Variants in ADGRB3 observed in about 807,000 individuals in gnomAD.
ADGRB3 encodes brain-specific angiogenesis inhibitor 3.
ADGRB3 carries 37 observed loss-of-function variants against 193.4 expected under a neutral mutation model. The observed-to-expected ratio is 0.19, with a 90% CI of 0.15 to 0.25. The LOEUF (loss-of-function observed/expected upper bound fraction) is 0.25, where lower values mean the gene tolerates loss of function less well. Ranked by LOEUF, ADGRB3 falls within the 10% of genes least tolerant of loss-of-function variation. The probability of loss-of-function intolerance (pLI) is 1.00; values close to 1 mark genes in which losing one functional copy is unlikely to be tolerated. For missense variants in ADGRB3, 1,637 were observed against 1,852.9 expected (o/e 0.88, Z 2.14); for synonymous variants, 690 against 644.2 (o/e 1.07, Z -1.08).
intron 3 of ADGRB3, among the ~76,000 whole-genome samples, chr6:68,750,987 A>G (rs1766187213): frequency 6.6e-6 from 1 of 151,538 alleles, no homozygotes; most frequent in Non-Finnish European, 1.5e-5. Flanking sequence ...CTATTGTTCC[A>G]CTCTTCTGGG....
At chr6:69,084,903 G>A (rs140192622) in intron 17 of ADGRB3, among the ~76,000 whole-genome samples, 1 of 152,236 alleles carries the variant, frequency 6.6e-6, no homozygotes, top group East Asian at 1.9e-4. Context: ...TTTGGGGTAT[G>A]CATGAGTTGT....
intron 20 of ADGRB3, among the ~76,000 whole-genome samples, chr6:69,298,172 A>G (rs1194397084): frequency 6.6e-6 from 1 of 152,002 alleles, no homozygotes; most frequent in Non-Finnish European, 1.5e-5. Flanking sequence ...GAGAGATTGA[A>G]CGCAACTCTG....
At chr6:69,077,421 A>G (rs1275150108) in intron 17 of ADGRB3, among the ~76,000 whole-genome samples, 1 of 151,972 alleles carries the variant, frequency 6.6e-6, no homozygotes, top group African/African-American at 2.4e-5. Context: ...GTGAATAATA[A>G]GCAACTTTGA....
intron 10 of ADGRB3, among the ~76,000 whole-genome samples, chr6:68,992,349 T>G (rs1769260783): frequency 6.6e-6 from 1 of 152,156 alleles, no homozygotes; most frequent in Non-Finnish European, 1.5e-5. Context: ...GAGTTCAGCC[T>G]GGTGGTACAG....
chr6:69,228,169 A>ATT (rs1197546574), intron 17 of ADGRB3, among the ~76,000 whole-genome samples: 1 of 152,214 alleles, frequency 6.6e-6, no homozygotes, highest in Non-Finnish European at 1.5e-5. Context: ...AGGCAGGAGA[A>ATT]TTGCTTGAAC....
intron 8 of ADGRB3, among the ~76,000 whole-genome samples, chr6:68,965,290 A>G (rs1227955010): frequency 6.6e-6 from 1 of 152,160 alleles, no homozygotes; most frequent in Non-Finnish European, 1.5e-5. Context: ...ATGAGTAGGT[A>G]CCACCTTGGA....
intron 11 of ADGRB3, among the ~76,000 whole-genome samples, chr6:69,002,628 T>C (rs909725802): frequency 6.6e-6 from 1 of 152,192 alleles, no homozygotes; most frequent in Admixed American, 6.5e-5. Context: ...TGGAGTATGG[T>C]TTCTCCATTG....
At chr6:68,801,172 T>C (rs1322554233) in intron 3 of ADGRB3, among the ~76,000 whole-genome samples, 1 of 152,214 alleles carries the variant, frequency 6.6e-6, no homozygotes, top group Non-Finnish European at 1.5e-5. Context: ...CTCTGTCCTG[T>C]GTTGTTTCTA....
intron 17 of ADGRB3, among the ~76,000 whole-genome samples, chr6:69,106,162 G>GT (rs1181296778): frequency 4.2e-5 from 1 of 23,812 alleles, no homozygotes; most frequent in African/African-American, 9.4e-5. Flanking sequence ...GTGAGACTGC[G>GT]TTAAAAAAAA....
At position 69,069,903 on chromosome 6, in the gene ADGRB3, A is replaced by G. The variant is rs543810811; in HGVS notation, c.2437-6092A>G. ...CAATCTTTAGTAGGGAAAGAGAGAG[A>G]GGATAAACTTAGCAAAATCCAGGTC... On this transcript the variant is annotated intron_variant, in intron 16 of 31. Transcript: ENST00000370598. 7.0e-4 allele frequency among the ~76,000 whole-genome samples: 106 copies of G among 151,664 alleles called. 1 individual carries two copies. The highest frequency in any genetic ancestry group is 2.4e-3 in the African/African-American group (101 of 41,364).
chr6:69,279,527 T>C (rs1284028584), intron 20 of ADGRB3, among the ~76,000 whole-genome samples: 1 of 152,070 alleles, frequency 6.6e-6, no homozygotes, highest in Non-Finnish European at 1.5e-5. Context: ...ACATTTAAAA[T>C]TTTACTTCAG....
intron 17 of ADGRB3, among the ~76,000 whole-genome samples, chr6:69,216,109 C>T (rs1233539033): frequency 6.6e-6 from 1 of 152,084 alleles, no homozygotes; most frequent in Non-Finnish European, 1.5e-5. Flanking sequence ...GTTTTGGTGG[C>T]AGAGTATCAT....
At chr6:68,653,993 G>A (rs1181619747) in intron 3 of ADGRB3, among the ~76,000 whole-genome samples, 3 of 151,738 alleles carry the variant, frequency 2.0e-5, no homozygotes, top group Non-Finnish European at 4.4e-5. Flanking sequence ...CTATAGGTTG[G>A]ACATTGAAAT....
intron 17 of ADGRB3, among the ~76,000 whole-genome samples, chr6:69,160,099 T>C (rs1049819340): frequency 2.0e-5 from 3 of 152,134 alleles, no homozygotes; most frequent in African/African-American, 7.2e-5. Flanking sequence ...TGAAATAGAA[T>C]TCTAATTATT....
At chr6:69,022,468 C>T (rs1415281897) in intron 13 of ADGRB3, among the ~76,000 whole-genome samples, 1 of 151,768 alleles carries the variant, frequency 6.6e-6, no homozygotes, top group African/African-American at 2.4e-5. Flanking sequence ...GTTTTCTATA[C>T]TTTTCCTCTA....
intron 3 of ADGRB3, among the ~76,000 whole-genome samples, chr6:68,742,401 C>T (rs962525432): frequency 6.7e-6 from 1 of 150,354 alleles, no homozygotes; most frequent in Non-Finnish European, 1.5e-5. Flanking sequence ...TGGGTCTTGA[C>T]TCTGACAGAG....
intron 20 of ADGRB3, among the ~76,000 whole-genome samples, chr6:69,284,102 A>C (rs541978098): frequency 1.3e-5 from 2 of 152,138 alleles, no homozygotes; most frequent in Non-Finnish European, 2.9e-5. Flanking sequence ...TCTAATTCTC[A>C]TTGTTCTTGA....
In ADGRB3 at chr6:69,062,928, T is replaced by C; in HGVS notation, c.2334-6T>C. ...TCTCCTTTTAATTATAATTACTCTG[T>C]TGCAGAAATTATACTGTCATTAATT... On this transcript the variant is annotated splice_region_variant and splice_polypyrimidine_tract_variant and intron_variant, in intron 15 of 31. Coordinates refer to ENST00000370598, the MANE Select transcript of ADGRB3 (RefSeq NM_001704.3). 1 of 1,586,424 alleles carries C rather than the reference T, an allele frequency of 6.3e-7. No homozygotes were observed. Among genetic ancestry groups the C allele is most frequent in the Non-Finnish European group, 8.7e-7 (1 of 1,155,792 alleles).
intron 4 of ADGRB3, 126 bp from the exon 5 acceptor site, chr6:68,936,393 T>A (rs1367653367): frequency 5.1e-5 from 51 of 1,009,364 alleles, no homozygotes; most frequent in Non-Finnish European, 7.3e-5. Context: ...TTCATGTACC[T>A]TTTGATGTAT....
Sources: gnomAD v4.1 joint callset for allele counts (sites outside exome capture counted in the v4.1 genomes callset) on GRCh38, gnomAD v4.1.1 for gene constraint, MANE v1.5 for transcripts, NCBI Gene and HGNC (gene_info 2026-07-23, HGNC 2026-07-21) for gene names.